The following IKZF2 variants were observed in gnomAD, a reference collection of about 807,000 sequenced individuals.
IKZF2 encodes the protein zinc finger protein Helios.
A neutral mutation model predicts 49.2 loss-of-function variants in IKZF2; 15 were observed. The ratio of observed to expected loss-of-function variants is 0.30; its 90% CI spans 0.20 to 0.47. IKZF2 has a LOEUF of 0.47. Ranked by LOEUF, IKZF2 falls within the 20% of genes least tolerant of loss-of-function variation. The probability of loss-of-function intolerance (pLI) is 1.00; values close to 1 mark genes in which losing one functional copy is unlikely to be tolerated. For missense variants in IKZF2, 567 were observed against 664.6 expected (o/e 0.85, Z 1.61); for synonymous variants, 227 against 221.4 (o/e 1.03, Z -0.23).
rs1243419386 is a variant in IKZF2, at chr2:213,000,075, C to T, written c.*7285G>A. 5 of 151,806 alleles carry T rather than the reference C, an allele frequency of 3.3e-5. No homozygotes were observed. Among genetic ancestry groups the T allele is most frequent in the Non-Finnish European group, 7.4e-5 (5 of 67,636 alleles). 9.4% of individuals were successfully genotyped at this position (151,806 alleles called of 1,614,324 possible). Reference sequence around the variant, plus strand: ...AGTCTGCAGTGATAAAACTATTTAGCGGAGGTCTCCAAATCAGTATGTAGT... The same window carrying T: ...AGTCTGCAGTGATAAAACTATTTAGTGGAGGTCTCCAAATCAGTATGTAGT... On this transcript the variant is annotated 3_prime_UTR_variant, in exon 9 of 9. Coordinates refer to ENST00000434687, the MANE Select transcript of IKZF2 (RefSeq NM_001387220.1).
At position 213,004,037 on chromosome 2, in the gene IKZF2, C is replaced by T. The variant is rs1196175764; in HGVS notation, c.*3323G>A. On this transcript the variant is annotated 3_prime_UTR_variant, in exon 9 of 9. Coordinates refer to ENST00000434687, the MANE Select transcript of IKZF2 (RefSeq NM_001387220.1). ...CTTCTTTAGTGATTCCTATTACGAC[C>T]TGATAAAGTAAACCCAACTAATTTC... The T allele has an allele frequency of 6.6e-6, 1 of 151,754 alleles. No homozygotes were observed. Among genetic ancestry groups the T allele is most frequent in the Non-Finnish European group, 1.5e-5 (1 of 67,804 alleles). The allele number at this position is 151,754 out of a possible 1,614,324, so 9.4% of individuals were successfully genotyped here.
chr2:213,104,387 A>G (rs755531956), intron 4 of IKZF2, among the ~76,000 whole-genome samples: 45 of 152,114 alleles, frequency 3.0e-4, no homozygotes, highest in Non-Finnish European at 6.0e-4. Flanking sequence ...GCACCATCCT[A>G]ACTCGCCTAT....
intron 4 of IKZF2, among the ~76,000 whole-genome samples, chr2:213,065,588 C>CAGG (rs1559227619): frequency 6.6e-6 from 1 of 151,954 alleles, no homozygotes; most frequent in East Asian, 1.9e-4. Flanking sequence ...CCATTAATGA[C>CAGG]AGGAAAGAAT....
intron 4 of IKZF2, among the ~76,000 whole-genome samples, chr2:213,123,853 C>G: frequency 6.6e-6 from 1 of 151,794 alleles, no homozygotes; most frequent in East Asian, 1.9e-4. Flanking sequence ...GCAAAACACT[C>G]TAAAAACCTA....
intron 4 of IKZF2, among the ~76,000 whole-genome samples, chr2:213,090,723 G>A (rs927833402): frequency 6.6e-6 from 1 of 152,128 alleles, no homozygotes; most frequent in Non-Finnish European, 1.5e-5. Context: ...TGGGGTGAAT[G>A]CTGTGAACAT....
intron 4 of IKZF2, among the ~76,000 whole-genome samples, chr2:213,069,433 G>C (rs949269856): frequency 6.6e-6 from 1 of 152,038 alleles, no homozygotes; most frequent in African/African-American, 2.4e-5. Context: ...AAGAATTCCC[G>C]AATCTACGTT....
intron 6 of IKZF2, among the ~76,000 whole-genome samples, chr2:213,038,383 T>C (rs1050517474): frequency 1.3e-5 from 2 of 152,084 alleles, no homozygotes; most frequent in Non-Finnish European, 2.9e-5. Flanking sequence ...ATAATGTAAA[T>C]AGGAAAACAA....
chr2:213,106,060 T>A (rs1440054794), intron 4 of IKZF2, among the ~76,000 whole-genome samples: 1 of 152,248 alleles, frequency 6.6e-6, no homozygotes, highest in Non-Finnish European at 1.5e-5. Context: ...AATTAAGTGA[T>A]TCCATTTTTC....
intron 6 of IKZF2, among the ~76,000 whole-genome samples, chr2:213,047,134 C>A (rs886527061): frequency 5.3e-5 from 8 of 152,136 alleles, no homozygotes. Flanking sequence ...AATATTTTTG[C>A]AAGCTCCCTC....
intron 6 of IKZF2, among the ~76,000 whole-genome samples, chr2:213,038,625 G>A (rs1699290501): frequency 6.6e-6 from 1 of 150,452 alleles, no homozygotes. Context: ...AATGGATGAA[G>A]GATTGAGGGA....
At chr2:213,140,089 A>G (rs2060813686) in intron 4 of IKZF2, among the ~76,000 whole-genome samples, 1 of 151,942 alleles carries the variant, frequency 6.6e-6, no homozygotes, top group African/African-American at 2.4e-5. Flanking sequence ...TGCTGGATCA[A>G]TGATCGAAAG....
At chr2:213,141,744 C>G (rs1401074480) in intron 4 of IKZF2, among the ~76,000 whole-genome samples, 3 of 151,928 alleles carry the variant, frequency 2.0e-5, no homozygotes, top group Non-Finnish European at 4.4e-5. Context: ...TAATGTCTGT[C>G]TGTCCCACTA....
At chr2:213,136,370 C>CAAAAAAAAAAAAAAAAAAAAAAA (rs11325415) in intron 4 of IKZF2, among the ~76,000 whole-genome samples, 4 of 53,642 alleles carry the variant, frequency 7.5e-5, no homozygotes, top group African/African-American at 2.8e-4. Flanking sequence ...GACACTGTCT[C>CAAAAAAAAAAAAAAAAAAAAAAA]AAAAAAAAAA....
chr2:213,005,985 T>G lies in IKZF2; in HGVS notation c.*1375A>C, dbSNP rs1695310699. 6.6e-6 allele frequency: 1 copy of G among 152,062 alleles called. No individual in the cohort carries two copies. Among genetic ancestry groups the G allele is most frequent in the Non-Finnish European group, 1.5e-5 (1 of 67,972 alleles). The allele number at this position is 152,062 out of a possible 1,614,324, so 9.4% of individuals were successfully genotyped here. A position where few individuals can be genotyped will look rare whatever the true frequency, so the allele number is the denominator to read the frequency against. ...TTGGGGGTTCTGTCACATTCTAGAC[T>G]CCAAGAAGGGTAAAAGTAAACTTTC... On this transcript the variant is annotated 3_prime_UTR_variant, in exon 9 of 9. Transcript: ENST00000434687.
At chr2:213,082,042 G>A (rs1704010134) in intron 4 of IKZF2, among the ~76,000 whole-genome samples, 1 of 152,174 alleles carries the variant, frequency 6.6e-6, no homozygotes, top group African/African-American at 2.4e-5. Context: ...AAGAGCAAGT[G>A]GGACTCATGA....
At chr2:213,028,316 C>G (rs1440122279) in intron 6 of IKZF2, among the ~76,000 whole-genome samples, 1 of 152,082 alleles carries the variant, frequency 6.6e-6, no homozygotes, top group Non-Finnish European at 1.5e-5. Flanking sequence ...GCAAGTCATC[C>G]AAATTTGGCT....
chr2:213,146,760 G>GC (rs1007725227), intron 4 of IKZF2, among the ~76,000 whole-genome samples: 3 of 2,654 alleles, frequency 1.1e-3, no homozygotes, highest in Admixed American at 3.9e-3. Context: ...TTAAATCTTC[G>GC]GGGGGGGGGA....
chr2:213,055,788 CTT>C (rs1701094671), intron 5 of IKZF2, among the ~76,000 whole-genome samples: 1 of 152,100 alleles, frequency 6.6e-6, no homozygotes, highest in Non-Finnish European at 1.5e-5. Context: ...TTAAAAAAGA[CTT>C]TGACCTACCT....
At chr2:213,090,870 A>G (rs1705237092) in intron 4 of IKZF2, among the ~76,000 whole-genome samples, 1 of 152,148 alleles carries the variant, frequency 6.6e-6, no homozygotes, top group African/African-American at 2.4e-5. Context: ...CTTACACCTT[A>G]ATCTCAGACT....
Sources: gnomAD v4.1 joint callset for allele counts (sites outside exome capture counted in the v4.1 genomes callset) on GRCh38, gnomAD v4.1.1 for gene constraint, MANE v1.5 for transcripts, NCBI Gene and HGNC (gene_info 2026-07-23, HGNC 2026-07-21) for gene names.